The following AHCYL1 variants were observed in gnomAD, a reference collection of about 807,000 sequenced individuals.
AHCYL1 encodes adenosylhomocysteinase like 1, also known as S-adenosylhomocysteine hydrolase-like protein 1.
Under a neutral mutation model 79.3 loss-of-function variants are expected in AHCYL1, and 20 were observed. The observed-to-expected ratio is 0.25, with a 90% CI of 0.18 to 0.37. The LOEUF (loss-of-function observed/expected upper bound fraction) is 0.37, where lower values mean the gene tolerates loss of function less well. Ranked by LOEUF, AHCYL1 falls within the 10% of genes least tolerant of loss-of-function variation. AHCYL1 has a pLI of 1.00. For missense variants in AHCYL1, 330 were observed against 673.6 expected, an observed-to-expected ratio of 0.49 and a Z score of 5.65; for synonymous variants, 223 against 242.2, an observed-to-expected ratio of 0.92 and a Z score of 0.74.
chr1:109,997,881 C>T (rs1650105715), intron 1 of AHCYL1, among the ~76,000 whole-genome samples: 1 of 152,162 alleles, frequency 6.6e-6, no homozygotes, highest in Admixed American at 6.5e-5. Flanking sequence ...CTAAGGGAAA[C>T]TTTCCATATG....
At chr1:109,991,049 A>G (rs1260331796) in intron 1 of AHCYL1, among the ~76,000 whole-genome samples, 6 of 152,294 alleles carry the variant, frequency 3.9e-5, no homozygotes, top group African/African-American at 1.2e-4. Flanking sequence ...TCATAGAACT[A>G]GAGTGGAGCA....
chr1:110,003,883 C>T, intron 1 of AHCYL1: 2 of 979,886 alleles, frequency 2.0e-6, no homozygotes, highest in Non-Finnish European at 2.4e-6. Context: ...CAGTTGCAGG[C>T]CTCGATTACT....
At chr1:110,020,878 G>A in intron 16 of AHCYL1, 27 bp downstream of exon 16, 2 of 1,604,586 alleles carry the variant, frequency 1.2e-6, no homozygotes, top group Non-Finnish European at 1.7e-6. Flanking sequence ...CAAGTGAAAA[G>A]CTCTTTTTCC....
At chr1:109,991,175 C>G (rs1557759128) in intron 1 of AHCYL1, among the ~76,000 whole-genome samples, 1 of 152,176 alleles carries the variant, frequency 6.6e-6, no homozygotes, top group South Asian at 2.1e-4. Flanking sequence ...ATGATGGATA[C>G]TGCTTATCAG....
chr1:110,012,411 C>G lies in AHCYL1; in HGVS notation c.426C>G (p.Pro142=). ...SLRKRAQGEK[P]LAGAKIVGCT... ...GGAAACGTGCTCAGGGGGAGAAGCCCTTGGCTGGTGCTAAAATAGTGGGCT... is the reference window on the plus strand; with the variant it reads ...GGAAACGTGCTCAGGGGGAGAAGCCGTTGGCTGGTGCTAAAATAGTGGGCT... The change falls in exon 4 of 17, where the codon CCC becomes CCG. Residue 142 remains proline, a synonymous_variant. Coordinates refer to ENST00000369799, the MANE Select transcript of AHCYL1 (RefSeq NM_006621.7). 1 of 1,613,842 alleles carries G rather than the reference C, an allele frequency of 6.2e-7. No individual in the cohort carries two copies. The highest frequency in any genetic ancestry group is 8.5e-7 in the Non-Finnish European group (1 of 1,179,934).
rs984598294 is a variant in AHCYL1 at position 110,015,981 on chromosome 1, T to TCA, written c.783-353_783-352dup. The stretch of plus-strand genomic sequence containing the variant: ...TTGGGGGCACATTGCGCATGCTTAC[T>TCA]CACACACACACGGAACCATATCAGA... On this transcript the variant is annotated intron_variant, in intron 7 of 16. Transcript: ENST00000369799. 4.6e-5 allele frequency among the ~76,000 whole-genome samples: 7 copies of TCA among 152,212 alleles called. No homozygotes were observed. The East Asian group carries it at 1.4e-3, about 29-fold the overall frequency.
rs1182372010 is a variant in AHCYL1, at chr1:110,018,541, C to T, written c.1219-11C>T. On this transcript the variant is annotated splice_polypyrimidine_tract_variant and intron_variant, in intron 12 of 16. Transcript: ENST00000369799. The stretch of plus-strand genomic sequence containing the variant: ...TAATAACCATAGTCAACTGTGCTTT[C>T]TTCCTTTCAGACCAGCCTCCGCACT... 1 of 1,614,114 alleles carries T rather than the reference C, an allele frequency of 6.2e-7. No homozygotes were observed. Among genetic ancestry groups the T allele is most frequent in the Admixed American group, 1.7e-5 (1 of 60,010 alleles).
intron 8 of AHCYL1, 31 bp downstream of exon 8, chr1:110,016,491 T>C: frequency 6.3e-7 from 1 of 1,590,570 alleles, no homozygotes; most frequent in Non-Finnish European, 8.6e-7. Context: ...TTCAAACTTC[T>C]AGGGGCTCTG....
intron 8 of AHCYL1, 99 bp from the exon 9 acceptor site, chr1:110,016,568 T>G: frequency 6.4e-7 from 1 of 1,571,808 alleles, no homozygotes; most frequent in East Asian, 2.2e-5. Context: ...AGCTTCCAAT[T>G]GATATTCTCA....
intron 1 of AHCYL1, among the ~76,000 whole-genome samples, chr1:109,990,966 C>T (rs368838871): frequency 1.3e-5 from 2 of 152,164 alleles, no homozygotes; most frequent in African/African-American, 4.8e-5. Context: ...TCTCATTGCT[C>T]TTAACAGCCT....
At position 110,020,258 on chromosome 1, in the gene AHCYL1, G is replaced by A. The variant is rs189648636; in HGVS notation, c.1466-473G>A. On this transcript the variant is annotated intron_variant, in intron 15 of 16. Coordinates refer to ENST00000369799, the MANE Select transcript of AHCYL1 (RefSeq NM_006621.7). ...TATGGAAAAGTAAAAATTCTGTGCC[G>A]ACTACCTTAGAAATTCATGATCCTA... Among the ~76,000 whole-genome samples the A allele has an allele frequency of 7.9e-5, 12 of 152,168 alleles. No individual in the cohort carries two copies. The East Asian group carries it at 1.9e-3, about 24-fold the overall frequency.
At chr1:110,003,855 A>T in intron 1 of AHCYL1, 3 of 912,246 alleles carry the variant, frequency 3.3e-6, no homozygotes, top group Non-Finnish European at 3.9e-6. Context: ...CTAACTTCTT[A>T]TGTTTACTTC....
intron 1 of AHCYL1, among the ~76,000 whole-genome samples, chr1:109,988,988 T>C (rs928076488): frequency 5.3e-5 from 8 of 152,226 alleles, no homozygotes; most frequent in Non-Finnish European, 8.8e-5. Context: ...CCAGGACTTG[T>C]CAGAATCACT....
In AHCYL1 at chr1:110,011,199, C is replaced by T. The variant is rs368631295; in HGVS notation, c.233-15C>T. The T allele has an allele frequency of 1.1e-5, 17 of 1,606,738 alleles. No individual in the cohort carries two copies. Among genetic ancestry groups the T allele is most frequent in the African/African-American group, 5.4e-5 (4 of 74,020 alleles). ...GAGGTTTTTCTATCCTTGTTTTTTT[C>T]TTTCCTGGCTCTAGCTGCATCCTAC... is the stretch of plus-strand genomic sequence containing the variant. On this transcript the variant is annotated splice_polypyrimidine_tract_variant and intron_variant, in intron 2 of 16. Transcript: ENST00000369799.
chr1:110,016,577 C>T (rs1436361813), intron 8 of AHCYL1, 90 bp from the exon 9 acceptor site: 1 of 1,577,164 alleles, frequency 6.3e-7, no homozygotes, highest in South Asian at 1.1e-5. Flanking sequence ...TTGATATTCT[C>T]ATGGGCATTG....
intron 1 of AHCYL1, among the ~76,000 whole-genome samples, chr1:109,990,530 T>C (rs1390379035): frequency 6.6e-6 from 1 of 152,220 alleles, no homozygotes; most frequent in African/African-American, 2.4e-5. Context: ...AATTTTGAAA[T>C]GTTAAAGAGC....
intron 8 of AHCYL1, 42 bp downstream of exon 8, chr1:110,016,502 G>T: frequency 6.3e-7 from 1 of 1,582,968 alleles, no homozygotes; most frequent in Non-Finnish European, 8.6e-7. Context: ...AGGGGCTCTG[G>T]TCTTCCTTTG....
Position 109,984,936 on chromosome 1 carries a change from G to A in AHCYL1, c.-117G>A, listed in dbSNP as rs935368702. 10 of 1,328,170 alleles carry A rather than the reference G, an allele frequency of 7.5e-6. No homozygotes were observed. The highest frequency in any genetic ancestry group is 4.2e-5 in the Admixed American group (1 of 23,970). 82.3% of individuals were successfully genotyped at this position (1,328,170 alleles called of 1,614,324 possible). A position where few individuals can be genotyped will look rare whatever the true frequency, so the allele number is the denominator to read the frequency against. On this transcript the variant is annotated 5_prime_UTR_variant, in exon 1 of 17. Coordinates refer to ENST00000369799, the MANE Select transcript of AHCYL1 (RefSeq NM_006621.7). ...GAAGCCGACGCAGCTCGACGCAGGG[G>A]CCGGCAGGAGGGTGGGCGATCGCGT...
At chr1:110,016,180 A>C (rs1022548695) in intron 7 of AHCYL1, among the ~76,000 whole-genome samples, 164 bp from the exon 8 acceptor site, 9 of 152,080 alleles carry the variant, frequency 5.9e-5, no homozygotes, top group African/African-American at 1.7e-4. Flanking sequence ...AGAAGTGTGG[A>C]GGGATGACAA....
Sources: allele counts gnomAD v4.1 joint callset (sites outside exome capture counted in the v4.1 genomes callset), GRCh38; gene constraint gnomAD v4.1.1; transcripts MANE v1.5; gene names NCBI Gene and HGNC (gene_info 2026-07-23, HGNC 2026-07-21).